The following SLC2A9 variants were observed in gnomAD, a reference collection of about 807,000 sequenced individuals.
The protein encoded by SLC2A9 is solute carrier family 2, facilitated glucose transporter member 9.
A neutral mutation model predicts 50.6 loss-of-function variants in SLC2A9; 39 were observed. The observed-to-expected ratio is 0.77, with a 90% CI of 0.60 to 1.01. The LOEUF (loss-of-function observed/expected upper bound fraction) is 1.01. Among genes scored for constraint, SLC2A9 ranks in the 50% least tolerant of loss-of-function variants. The pLI, the probability that SLC2A9 is intolerant of heterozygous loss-of-function variation, is 0.00. For missense variants in SLC2A9, 686 were observed against 677.6 expected (o/e 1.01, Z -0.14); for synonymous variants, 324 against 276.9 (o/e 1.17, Z -1.69).
At chr4:10,012,860 T>C (rs1210104690) in intron 2 of SLC2A9, among the ~76,000 whole-genome samples, 4 of 152,128 alleles carry the variant, frequency 2.6e-5, no homozygotes, top group African/African-American at 9.7e-5. Flanking sequence ...ATGTGTCATG[T>C]GTCACGGCCC....
intron 11 of SLC2A9, among the ~76,000 whole-genome samples, chr4:9,834,589 A>G (rs1270180715): frequency 1.3e-5 from 2 of 152,198 alleles, no homozygotes; most frequent in African/African-American, 2.4e-5. Flanking sequence ...TGTAAAAATG[A>G]TAAGTAGGTT....
chr4:9,782,846 C>G (rs772995460), intron 3 of SLC2A9: 2 of 1,611,848 alleles, frequency 1.2e-6, no homozygotes, highest in South Asian at 1.1e-5. Context: ...GCAGAGCTGC[C>G]GGAGCAGCGC....
downstream of SLC2A9, among the ~76,000 whole-genome samples, chr4:9,798,399 A>G (rs1203026665): frequency 6.6e-6 from 1 of 152,196 alleles, no homozygotes; most frequent in African/African-American, 2.4e-5. Context: ...ATTCACTACA[A>G]TTAGGGACTG....
At chr4:9,979,161 G>C (rs1213479269) in intron 5 of SLC2A9, among the ~76,000 whole-genome samples, 1 of 152,114 alleles carries the variant, frequency 6.6e-6, no homozygotes, top group Non-Finnish European at 1.5e-5. Flanking sequence ...ACAGACCCGG[G>C]TTCTGGTTTC....
intron 5 of SLC2A9, among the ~76,000 whole-genome samples, chr4:9,971,326 T>A (rs1290242341): frequency 6.6e-6 from 1 of 152,264 alleles, no homozygotes; most frequent in East Asian, 1.9e-4. Flanking sequence ...TTACTATTAA[T>A]TTTACTTTGT....
upstream of SLC2A9, chr4:10,025,727 A>C: frequency 1.6e-6 from 1 of 622,534 alleles, no homozygotes. Flanking sequence ...GCCTCATCCC[A>C]GACACTCTAC....
At position 9,865,854 on chromosome 4, in the gene SLC2A9, G is replaced by T. The variant is rs75375980; in HGVS notation, c.1291+21713C>A. 9.3e-3 allele frequency among the ~76,000 whole-genome samples: 1,413 copies of T among 152,326 alleles called. 19 individuals carry two copies. The highest frequency in any genetic ancestry group is 0.031 in the African/African-American group (1,303 of 41,570). ...AATTGGATTGATGAGACAGCCCAAG[G>T]TCCCTGCAGGAACACTGGTTTGCAG... On this transcript the variant is annotated intron_variant, in intron 10 of 11. Transcript: ENST00000264784.
intron 2 of SLC2A9, among the ~76,000 whole-genome samples, chr4:10,003,116 T>C (rs1187293174): frequency 1.3e-5 from 2 of 152,168 alleles, no homozygotes; most frequent in Non-Finnish European, 2.9e-5. Flanking sequence ...ATCCAGGACT[T>C]CACAGACACC....
intron 3 of SLC2A9, among the ~76,000 whole-genome samples, chr4:9,818,612 C>T (rs1342466400): frequency 2.0e-5 from 3 of 152,304 alleles, no homozygotes; most frequent in Admixed American, 1.3e-4. Context: ...GCAGAATTCT[C>T]GCTAACACTG....
chr4:9,802,317 AAAG>A (rs997872338), intron 3 of SLC2A9, among the ~76,000 whole-genome samples: 7 of 151,558 alleles, frequency 4.6e-5, no homozygotes, highest in African/African-American at 1.7e-4. Context: ...AATGAATTTC[AAAG>A]AAGTAGTGAC....
chr4:10,040,183 G>A (rs761392224), exon 1 of SLC2A9: 1 of 152,266 alleles, frequency 6.6e-6, no homozygotes, highest in East Asian at 1.9e-4. Flanking sequence ...TTCAGGAAGA[G>A]TTTTCATGCC....
intron 2 of SLC2A9, among the ~76,000 whole-genome samples, chr4:10,000,566 A>T (rs1759602654): frequency 6.6e-6 from 1 of 152,174 alleles, no homozygotes; most frequent in Non-Finnish European, 1.5e-5. Flanking sequence ...ATCCTAAGAC[A>T]GCATGCACTC....
At chr4:9,999,028 G>A (rs970730742) in intron 2 of SLC2A9, among the ~76,000 whole-genome samples, 4 of 151,390 alleles carry the variant, frequency 2.6e-5, no homozygotes, top group East Asian at 1.9e-4. Flanking sequence ...GGGTCATCTC[G>A]GGGGATGACA....
chr4:9,826,568 AAAGACTAGG>A lies in SLC2A9; in HGVS notation c.1443_1451del (p.Leu482_Phe484del). On this transcript the variant is annotated inframe_deletion, in exon 12 of 12. Transcript: ENST00000264784. Reference sequence around the variant, plus strand: ...TAGCACCTGTGATACAAATTGTAGCAAAGACTAGGAAACAGTAGGTGTCCAGACTTTTCT... The same window carrying A: ...TAGCACCTGTGATACAAATTGTAGCAAAACAGTAGGTGTCCAGACTTTTCT... 6.2e-7 allele frequency: 1 copy of A among 1,614,108 alleles called. No individual in the cohort carries two copies. The highest frequency in any genetic ancestry group is 1.1e-5 in the South Asian group (1 of 91,084).
chr4:10,008,424 C>G (rs1446157961), intron 2 of SLC2A9, among the ~76,000 whole-genome samples: 1 of 152,194 alleles, frequency 6.6e-6, no homozygotes. Flanking sequence ...CAATGACTCA[C>G]AGATCCCAAT....
intron 5 of SLC2A9, among the ~76,000 whole-genome samples, chr4:9,943,526 A>C (rs1748567522): frequency 6.6e-6 from 1 of 152,022 alleles, no homozygotes; most frequent in Non-Finnish European, 1.5e-5. Context: ...GTGACTGCGC[A>C]TGGGTGTGGG....
intron 7 of SLC2A9, among the ~76,000 whole-genome samples, chr4:9,910,856 G>T (rs2030000383): frequency 6.6e-6 from 1 of 152,154 alleles, no homozygotes; most frequent in African/African-American, 2.4e-5. Flanking sequence ...CAGGGAAATT[G>T]ATGAAGCTGG....
chr4:10,033,286 T>C (rs1326166007), intron 1 of SLC2A9, among the ~76,000 whole-genome samples: 1 of 152,190 alleles, frequency 6.6e-6, no homozygotes, highest in East Asian at 1.9e-4. Flanking sequence ...TCAGCCCGGC[T>C]GCTTCCCACC....
downstream of SLC2A9, among the ~76,000 whole-genome samples, chr4:9,777,293 G>C (rs1485355534): frequency 8.6e-6 from 1 of 115,756 alleles, no homozygotes; most frequent in African/African-American, 3.0e-5. Context: ...CCCCGTCTCT[G>C]TTTCTTTTTT....
Sources: allele counts gnomAD v4.1 joint callset (sites outside exome capture counted in the v4.1 genomes callset), GRCh38; gene constraint gnomAD v4.1.1; transcripts MANE v1.5; gene names NCBI Gene and HGNC (gene_info 2026-07-23, HGNC 2026-07-21).